The following PHAX variants were observed in gnomAD, a reference collection of about 807,000 sequenced individuals.
The protein encoded by PHAX is phosphorylated adaptor for RNA export.
PHAX carries 31 observed loss-of-function variants against 41.6 expected under a neutral mutation model. The ratio of observed to expected loss-of-function variants is 0.75; its 90% CI spans 0.56 to 1.01. The LOEUF is 1.01. Ranked by LOEUF, PHAX falls within the 50% of genes least tolerant of loss-of-function variation. The pLI, the probability that PHAX is intolerant of heterozygous loss-of-function variation, is 0.00. For missense variants in PHAX, 453 were observed against 472.9 expected (o/e 0.96, Z 0.39); for synonymous variants, 175 against 164.9 (o/e 1.06, Z -0.47).
At chr5:126,611,047 C>CGTTT (rs112686673) in intron 3 of PHAX, among the ~76,000 whole-genome samples, 21 of 143,214 alleles carry the variant, frequency 1.5e-4, no homozygotes, top group Non-Finnish European at 2.4e-4. Flanking sequence ...TTTTTCTTTT[C>CGTTT]GTTTGTTTGT....
Position 126,625,883 on chromosome 5 carries a change from TA to T in PHAX, c.*1042del, listed in dbSNP as rs1752341168. 1 of 152,040 alleles carries T rather than the reference TA, an allele frequency of 6.6e-6. No homozygotes were observed. Among genetic ancestry groups the T allele is most frequent in the African/African-American group, 2.4e-5 (1 of 41,400 alleles). The allele number at this position is 152,040 out of a possible 1,614,324, so 9.4% of individuals were successfully genotyped here. ...GCCCAGCTGATTTTTGTATTTTTAGTAAAGACTTTCGCCATGTTGTCCAGGC... is the reference window on the plus strand; with the variant it reads ...GCCCAGCTGATTTTTGTATTTTTAGTAAGACTTTCGCCATGTTGTCCAGGC... On this transcript the variant is annotated 3_prime_UTR_variant, in exon 5 of 5. Coordinates refer to ENST00000297540, the MANE Select transcript of PHAX (RefSeq NM_032177.4).
Position 126,600,992 on chromosome 5 carries a change from T to G in PHAX, c.30T>G (p.Asp10Glu), listed in dbSNP as rs772928961. The G allele has an allele frequency of 6.2e-7, 1 of 1,604,254 alleles. No homozygotes were observed. Among genetic ancestry groups the G allele is most frequent in the African/African-American group, 1.4e-5 (1 of 72,962 alleles). The change falls in exon 1 of 5, where the codon GAT (aspartate) becomes GAG (glutamate). Residue 10 changes from aspartate to glutamate, a missense_variant. Physicochemically the swap from Asp to Glu is conservative, Grantham distance 45. Coordinates refer to ENST00000297540, the MANE Select transcript of PHAX (RefSeq NM_032177.4). Reference protein sequence around the residue: MALEVGDMEDGQLSDSDSDM... With the variant: MALEVGDMEEGQLSDSDSDM... ...CGTTGGAGGTCGGCGATATGGAAGA[T>G]GGGCAGCTTTCCGACTCGGATTCCG...
intron 4 of PHAX, among the ~76,000 whole-genome samples, chr5:126,618,802 G>C (rs1263698168): frequency 2.0e-5 from 3 of 151,934 alleles, no homozygotes; most frequent in South Asian, 2.1e-4. Flanking sequence ...GGGATTACAG[G>C]CTTGCGCCAC....
Position 126,601,011 on chromosome 5 carries a change from G to C in PHAX, c.49G>C (p.Asp17His). The change falls in exon 1 of 5, where the codon GAT becomes CAT. Residue 17 changes from aspartate (D) to histidine (H), a missense_variant. Coordinates refer to ENST00000297540, the MANE Select transcript of PHAX (RefSeq NM_032177.4). ...DMEDGQLSDS[D>H]SDMTVAPSDR... is the part of the protein sequence containing the mutation. Reference sequence around the variant, plus strand: ...GGAAGATGGGCAGCTTTCCGACTCGGATTCCGACATGACGGTCGCACCCAG... The same window carrying C: ...GGAAGATGGGCAGCTTTCCGACTCGCATTCCGACATGACGGTCGCACCCAG... 2 of 1,606,828 alleles carry C rather than the reference G, an allele frequency of 1.2e-6. No individual in the cohort carries two copies. Among genetic ancestry groups the C allele is most frequent in the Non-Finnish European group, 1.7e-6 (2 of 1,176,782 alleles).
chr5:126,603,645 C>T lies in PHAX; in HGVS notation c.172C>T (p.Arg58Ter), dbSNP rs1438066017. The change falls in exon 2 of 5, where the codon CGA becomes TGA. Residue 58 changes from arginine to a stop codon, truncating the protein, a stop_gained. Transcript: ENST00000297540. LOFTEE classifies it high-confidence loss of function. ...ATACAPVSHYRAVESVDSSEE... is the reference protein window; with the variant it reads ...ATACAPVSHY Reference sequence around the variant, plus strand: ...TGCATGTGCACCAGTATCACATTATCGAGCTGTTGAAAGTGTGGATTCAAG... The same window carrying T: ...TGCATGTGCACCAGTATCACATTATTGAGCTGTTGAAAGTGTGGATTCAAG... 8 of 1,614,008 alleles carry T rather than the reference C, an allele frequency of 5.0e-6. No individual in the cohort carries two copies. The highest frequency in any genetic ancestry group is 6.8e-6 in the Non-Finnish European group (8 of 1,179,982).
Position 126,604,023 on chromosome 5 carries a change from A to C in PHAX, c.550A>C (p.Lys184Gln), listed in dbSNP as rs62617159. The C allele has an allele frequency of 6.2e-7, 1 of 1,613,966 alleles. No individual in the cohort carries two copies. Among genetic ancestry groups the C allele is most frequent in the Non-Finnish European group, 8.5e-7 (1 of 1,180,032 alleles). Reference sequence around the variant, plus strand: ...AGATGAATATATGCATGGTGGCAAAAAAATGGGATCAAAGGAAGAGGAAAA... The same window carrying C: ...AGATGAATATATGCATGGTGGCAAACAAATGGGATCAAAGGAAGAGGAAAA... ...ELDEYMHGGK[K>Q]MGSKEEENGQ... The change falls in exon 2 of 5, where the codon AAA (lysine) becomes CAA (glutamine). Residue 184 changes from lysine to glutamine, a missense_variant. By Grantham distance (53) the Lys-to-Gln change is moderately conservative. Transcript: ENST00000297540.
At position 126,624,973 on chromosome 5, in the gene PHAX, TTAAAA is replaced by T; in HGVS notation, c.*132_*136del. 2 of 814,802 alleles carry T rather than the reference TTAAAA, an allele frequency of 2.5e-6. No individual in the cohort carries two copies. Among genetic ancestry groups the T allele is most frequent in the Admixed American group, 3.0e-5 (1 of 33,358 alleles). 50.5% of individuals were successfully genotyped at this position (814,802 alleles called of 1,614,324 possible). On this transcript the variant is annotated 3_prime_UTR_variant, in exon 5 of 5. Transcript: ENST00000297540. The stretch of plus-strand genomic sequence containing the variant: ...GGAGGAAAGACAATTGTTTTCTTGT[TTAAAA>T]TATGTGTGGAAAGGAATGCAATTGA...
In PHAX at chr5:126,608,433, A is replaced by G. The variant is rs1467007781; in HGVS notation, c.780A>G (p.Glu260=). 1 of 1,613,930 alleles carries G rather than the reference A, an allele frequency of 6.2e-7. No individual in the cohort carries two copies. Among genetic ancestry groups the G allele is most frequent in the Non-Finnish European group, 8.5e-7 (1 of 1,179,880 alleles). The change falls in exon 3 of 5, where the codon GAA becomes GAG. Residue 260 remains glutamate, a synonymous_variant. Coordinates refer to ENST00000297540, the MANE Select transcript of PHAX (RefSeq NM_032177.4). ...TTATTGGTAACAAAAAGGCAATTGA[A>G]CTTCTGATGGAAACCGCTGAAGTTG... ...VRIIGNKKAI[E]LLMETAEVEQ... is the part of the protein sequence containing the mutation.
intron 3 of PHAX, among the ~76,000 whole-genome samples, chr5:126,609,095 A>AAT (rs1554102816): frequency 8.0e-4 from 81 of 101,262 alleles, no homozygotes; most frequent in Non-Finnish European, 1.4e-3. Flanking sequence ...TAGGGGTTGA[A>AAT]TTTTTTTTTT....
At chr5:126,624,161 A>C (rs371245362) in intron 4 of PHAX, among the ~76,000 whole-genome samples, 2 of 151,858 alleles carry the variant, frequency 1.3e-5, no homozygotes, top group South Asian at 4.2e-4. Context: ...GGTGTGTGCC[A>C]CCACAGCCGG....
intron 4 of PHAX, among the ~76,000 whole-genome samples, chr5:126,618,625 A>ATT (rs11399681): frequency 1.4e-5 from 2 of 145,836 alleles, no homozygotes; most frequent in African/African-American, 5.0e-5. Flanking sequence ...TTTTAATTAA[A>ATT]TTTTTTTTTT....
chr5:126,622,752 T>C (rs1218268743), intron 4 of PHAX, among the ~76,000 whole-genome samples: 2 of 152,202 alleles, frequency 1.3e-5, no homozygotes, highest in African/African-American at 4.8e-5. Context: ...GGCTTCTTCA[T>C]ATTCTTTGAA....
chr5:126,601,024 C>T lies in PHAX; in HGVS notation c.62C>T (p.Thr21Met). 2 of 1,606,278 alleles carry T rather than the reference C, an allele frequency of 1.2e-6. No individual in the cohort carries two copies. Among genetic ancestry groups the T allele is most frequent in the East Asian group, 2.3e-5 (1 of 43,840 alleles). Reference protein sequence around the residue: ...GQLSDSDSDMTVAPSDRPLQL... With the variant: ...GQLSDSDSDMMVAPSDRPLQL... ...CTTTCCGACTCGGATTCCGACATGA[C>T]GGTCGCACCCAGCGACAGGCCGCTG... Residue 21 changes from threonine (T) to methionine (M), a missense_variant, in exon 1 of 5, where the codon ACG becomes ATG. Transcript: ENST00000297540.
At chr5:126,617,153 A>G in intron 3 of PHAX, 97 bp from the exon 4 acceptor site, 1 of 622,800 alleles carries the variant, frequency 1.6e-6, no homozygotes, top group Non-Finnish European at 2.8e-6. Context: ...CAGATCTGGT[A>G]TTTCTTCTAT....
intron 1 of PHAX, among the ~76,000 whole-genome samples, chr5:126,602,003 A>C (rs1751911087): frequency 6.7e-6 from 1 of 150,066 alleles, no homozygotes; most frequent in African/African-American, 2.5e-5. Flanking sequence ...TTGAGACGAG[A>C]TTTCTCCATG....
chr5:126,617,781 G>A (rs1429583873), intron 4 of PHAX, among the ~76,000 whole-genome samples: 2 of 152,230 alleles, frequency 1.3e-5, no homozygotes, highest in East Asian at 3.9e-4. Flanking sequence ...CTCCCAGCCA[G>A]CCTTTTATTC....
Position 126,603,583 on chromosome 5 carries a change from G to T in PHAX, c.110G>T (p.Gly37Val). The T allele has an allele frequency of 6.2e-7, 1 of 1,606,492 alleles. No individual in the cohort carries two copies. The highest frequency in any genetic ancestry group is 8.5e-7 in the Non-Finnish European group (1 of 1,173,686). Reference sequence around the variant, plus strand: ...TTTCACTTGCAGAAAGTGCTAGGTGGCGACAGTGCTATGAGGGCCTTCCAG... The same window carrying T: ...TTTCACTTGCAGAAAGTGCTAGGTGTCGACAGTGCTATGAGGGCCTTCCAG... ...RPLQLPKVLG[G>V]DSAMRAFQNT... Residue 37 changes from glycine (G) to valine (V), a missense_variant, in exon 2 of 5, where the codon GGC becomes GTC. Physicochemically the swap from Gly to Val is moderately radical, Grantham distance 109. Coordinates refer to ENST00000297540, the MANE Select transcript of PHAX (RefSeq NM_032177.4).
chr5:126,603,826 G>C lies in PHAX; in HGVS notation c.353G>C (p.Trp118Ser). Residue 118 changes from tryptophan (W) to serine (S), a missense_variant, in exon 2 of 5, where the codon TGG becomes TCG. Transcript: ENST00000297540. ...VAGGKKINNI[W>S]GAVLQEQNQD... Reference sequence around the variant, plus strand: ...GGAGGAAAGAAGATTAACAACATATGGGGTGCTGTGCTGCAGGAACAGAAT... The same window carrying C: ...GGAGGAAAGAAGATTAACAACATATCGGGTGCTGTGCTGCAGGAACAGAAT... The C allele has an allele frequency of 1.2e-6, 2 of 1,614,152 alleles. No homozygotes were observed. Among genetic ancestry groups the C allele is most frequent in the Non-Finnish European group, 1.7e-6 (2 of 1,180,044 alleles).
In PHAX at chr5:126,626,310, AT is replaced by A. The variant is rs1423681845; in HGVS notation, c.*1467del. On this transcript the variant is annotated 3_prime_UTR_variant, in exon 5 of 5. Transcript: ENST00000297540. ...GGAAGTCAGGTATTTAAAATGTTACATATGCCGGCGCAGTGGCTCATGTGTG... is the reference window on the plus strand; with the variant it reads ...GGAAGTCAGGTATTTAAAATGTTACAATGCCGGCGCAGTGGCTCATGTGTG... 6.6e-6 allele frequency: 1 copy of A among 152,316 alleles called. No individual in the cohort carries two copies. The highest frequency in any genetic ancestry group is 2.4e-5 in the African/African-American group (1 of 41,572). 9.4% of individuals were successfully genotyped at this position (152,316 alleles called of 1,614,324 possible).
Sources: allele counts gnomAD v4.1 joint callset (sites outside exome capture counted in the v4.1 genomes callset), GRCh38; gene constraint gnomAD v4.1.1; transcripts MANE v1.5; gene names NCBI Gene and HGNC (gene_info 2026-07-23, HGNC 2026-07-21).